Variants in PLS1 observed in about 807,000 individuals in gnomAD.
PLS1 encodes plastin-1.
PLS1 carries 32 observed loss-of-function variants against 73.7 expected under a neutral mutation model. The ratio of observed to expected loss-of-function variants is 0.43; its 90% CI spans 0.33 to 0.58. The LOEUF (loss-of-function observed/expected upper bound fraction) is 0.58. PLS1 is among the 20% of genes least tolerant of loss of function. The pLI is 0.04. For missense variants in PLS1, 633 were observed against 740.5 expected, an observed-to-expected ratio of 0.85 and a Z score of 1.68; for synonymous variants, 217 against 261.3, an observed-to-expected ratio of 0.83 and a Z score of 1.63.
intron 4 of PLS1, among the ~76,000 whole-genome samples, chr3:142,673,174 T>C (rs1268989310): frequency 3.3e-5 from 5 of 152,272 alleles, no homozygotes; most frequent in African/African-American, 4.8e-5. Flanking sequence ...CCCAAGTGCA[T>C]AACCATGCCT....
At chr3:142,699,578 T>C (rs921631510) in intron 12 of PLS1, among the ~76,000 whole-genome samples, 2 of 152,168 alleles carry the variant, frequency 1.3e-5, no homozygotes, top group African/African-American at 4.8e-5. Flanking sequence ...ATACCAGAAC[T>C]TAAAGTATAA....
intron 1 of PLS1, among the ~76,000 whole-genome samples, chr3:142,624,330 C>T (rs2108567345): frequency 6.6e-6 from 1 of 152,272 alleles, no homozygotes; most frequent in Non-Finnish European, 1.5e-5. Flanking sequence ...AAATAGTGTA[C>T]AAGTGAGCAA....
chr3:142,705,768 G>A (rs754172259), intron 14 of PLS1, among the ~76,000 whole-genome samples: 1 of 152,170 alleles, frequency 6.6e-6, no homozygotes, highest in Non-Finnish European at 1.5e-5. Flanking sequence ...ATCTTCTCAT[G>A]TTTGCCAAAA....
At chr3:142,700,626 T>A (rs552557452) in intron 12 of PLS1, among the ~76,000 whole-genome samples, 20 of 152,328 alleles carry the variant, frequency 1.3e-4, no homozygotes, top group Admixed American at 5.2e-4. Flanking sequence ...CCGGCCTTCT[T>A]TACTTTTAAG....
chr3:142,709,727 G>C (rs1241443868), intron 14 of PLS1, among the ~76,000 whole-genome samples: 2 of 151,254 alleles, frequency 1.3e-5, no homozygotes, highest in African/African-American at 2.4e-5. Context: ...TGAGGCAGGA[G>C]AATGGCATGA....
intron 1 of PLS1, chr3:142,654,899 T>A (rs992663554): frequency 6.6e-6 from 1 of 152,214 alleles, no homozygotes; most frequent in Non-Finnish European, 1.5e-5. Context: ...TCCCATAAAC[T>A]GTTGTTTTAT....
intron 1 of PLS1, among the ~76,000 whole-genome samples, chr3:142,624,936 T>C (rs1002902557): frequency 1.4e-5 from 2 of 142,140 alleles, no homozygotes; most frequent in Non-Finnish European, 3.0e-5. Context: ...TGTATTCTTG[T>C]GGAGGAGGAG....
chr3:142,624,547 C>T (rs1209991366), intron 1 of PLS1, among the ~76,000 whole-genome samples: 1 of 152,146 alleles, frequency 6.6e-6, no homozygotes, highest in Non-Finnish European at 1.5e-5. Flanking sequence ...ATACTGCTGG[C>T]AGTTTACATA....
rs1024042132 is a variant in PLS1 at position 142,662,321 on chromosome 3, C to T, written c.-36-1881C>T. ...AGCAAACTAACACAAGAACGGAAAA[C>T]CATTCTCACTCTGTATGTTCTCACT... On this transcript the variant is annotated intron_variant, in intron 1 of 15. Coordinates refer to ENST00000457734, the MANE Select transcript of PLS1 (RefSeq NM_001145319.2). Among the ~76,000 whole-genome samples, 6 of 152,108 alleles carry T rather than the reference C, an allele frequency of 3.9e-5. No homozygotes were observed. The East Asian group carries it at 5.8e-4, about 15-fold the overall frequency.
intron 14 of PLS1, among the ~76,000 whole-genome samples, chr3:142,708,556 T>C (rs764620261): frequency 2.0e-5 from 3 of 152,156 alleles, no homozygotes; most frequent in Non-Finnish European, 2.9e-5. Flanking sequence ...TTTCCACTTT[T>C]ATTTTTTAAA....
chr3:142,638,804 C>T lies in PLS1; in HGVS notation c.-36-25398C>T, dbSNP rs148151073. Among the ~76,000 whole-genome samples, 46 of 151,868 alleles carry T rather than the reference C, an allele frequency of 3.0e-4. No individual in the cohort carries two copies. In the East Asian group the frequency reaches 5.6e-3, roughly 19 times the overall value. ...TTGCACAGGCTAGAGTGTAATGGTG[C>T]GATCTCAGCTCACTGCAACCTCTGC... On this transcript the variant is annotated intron_variant, in intron 1 of 15. Transcript: ENST00000457734.
chr3:142,660,235 C>A (rs1283950864), intron 1 of PLS1, among the ~76,000 whole-genome samples: 1 of 152,062 alleles, frequency 6.6e-6, no homozygotes, highest in African/African-American at 2.4e-5. Context: ...TTTTTTTGTA[C>A]CCTTCCAGAA....
At chr3:142,649,151 C>T (rs1001612394) in intron 1 of PLS1, among the ~76,000 whole-genome samples, 2 of 151,998 alleles carry the variant, frequency 1.3e-5, no homozygotes, top group Admixed American at 6.6e-5. Flanking sequence ...TTACTACTCA[C>T]TTTGTCAGCT....
chr3:142,683,048 C>G (rs980813823), intron 6 of PLS1, among the ~76,000 whole-genome samples: 5 of 152,186 alleles, frequency 3.3e-5, no homozygotes, highest in African/African-American at 1.2e-4. Flanking sequence ...CATTTATTTA[C>G]TTGGAGCTCA....
intron 1 of PLS1, among the ~76,000 whole-genome samples, chr3:142,603,265 C>T (rs2035958277): frequency 6.6e-6 from 1 of 152,146 alleles, no homozygotes; most frequent in Non-Finnish European, 1.5e-5. Context: ...TCTGTAAAGG[C>T]ACGTTGCTTT....
chr3:142,610,088 C>T (rs1031921730), intron 1 of PLS1, among the ~76,000 whole-genome samples: 7 of 152,142 alleles, frequency 4.6e-5, no homozygotes, highest in East Asian at 1.9e-4. Context: ...AAGCTGATCT[C>T]GAATTCCTGA....
rs186834304 is a variant in PLS1 at position 142,646,915 on chromosome 3, G to A, written c.-36-17287G>A. Among the ~76,000 whole-genome samples, 21 of 152,372 alleles carry A rather than the reference G, an allele frequency of 1.4e-4. No individual in the cohort carries two copies. The East Asian group carries it at 3.5e-3, about 25-fold the overall frequency. Reference sequence around the variant, plus strand: ...TAAGGCAACACAGATGAAGCTAAGAGTCCTGGAAGTCATAGAAAATTCCTT... The same window carrying A: ...TAAGGCAACACAGATGAAGCTAAGAATCCTGGAAGTCATAGAAAATTCCTT... On this transcript the variant is annotated intron_variant, in intron 1 of 15. Transcript: ENST00000457734.
intron 1 of PLS1, among the ~76,000 whole-genome samples, chr3:142,606,494 C>T (rs2036021014): frequency 6.6e-6 from 1 of 152,128 alleles, no homozygotes; most frequent in Non-Finnish European, 1.5e-5. Context: ...GACAGTTTCT[C>T]AGACTTTCCT....
intron 1 of PLS1, among the ~76,000 whole-genome samples, chr3:142,631,409 C>T (rs1366237275): frequency 1.3e-5 from 2 of 151,880 alleles, no homozygotes; most frequent in African/African-American, 4.8e-5. Flanking sequence ...TCGTTTGAAC[C>T]TGGGAGGTGG....
Sources: allele counts gnomAD v4.1 joint callset (sites outside exome capture counted in the v4.1 genomes callset), GRCh38; gene constraint gnomAD v4.1.1; transcripts MANE v1.5; gene names NCBI Gene and HGNC (gene_info 2026-07-23, HGNC 2026-07-21).